Variants in MUC6 observed in about 807,000 individuals in gnomAD.
MUC6 encodes mucin 6, oligomeric mucus/gel-forming (gene/pseudogene), also known as mucin-6.
Under a neutral mutation model 201.5 loss-of-function variants are expected in MUC6, and 188 were observed. That is an observed-to-expected ratio of 0.93 (90% CI 0.83 to 1.05). The LOEUF (loss-of-function observed/expected upper bound fraction) is 1.05. MUC6 is among the 50% of genes least tolerant of loss of function. The probability of loss-of-function intolerance (pLI) is 0.00; values close to 1 mark genes in which losing one functional copy is unlikely to be tolerated. For synonymous variants in MUC6, 1,228 were observed against 1,389.4 expected, an observed-to-expected ratio of 0.88 and a Z score of 2.58; for missense variants, 2,706 against 3,256.9, an observed-to-expected ratio of 0.83 and a Z score of 4.12.
chr11:1,027,845 G>A, intron 15 of MUC6, 28 bp from the exon 16 acceptor site: 1 of 1,604,972 alleles, frequency 6.2e-7, no homozygotes, highest in Non-Finnish European at 8.5e-7. Context: ...GCATGGGCTG[G>A]TGGCAGGCAC....
chr11:1,013,320 A>G lies in MUC6; in HGVS notation c.*136T>C. Reference sequence around the variant, plus strand: ...TCTCCAACCGGTGCCCCAGGGAGCCACGGCCCAGGGCACTTGGGGGCCAGG... The same window carrying G: ...TCTCCAACCGGTGCCCCAGGGAGCCGCGGCCCAGGGCACTTGGGGGCCAGG... On this transcript the variant is annotated 3_prime_UTR_variant, in exon 33 of 33. Coordinates refer to ENST00000421673, the MANE Select transcript of MUC6 (RefSeq NM_005961.3). 1 of 935,368 alleles carries G rather than the reference A, an allele frequency of 1.1e-6. No homozygotes were observed. Among genetic ancestry groups the G allele is most frequent in the South Asian group, 1.8e-5 (1 of 56,824 alleles). The allele number at this position is 935,368 out of a possible 1,614,324, so 57.9% of individuals were successfully genotyped here. A position where few individuals can be genotyped will look rare whatever the true frequency, so the allele number is the denominator to read the frequency against.
Position 1,016,126 on chromosome 11 carries a change from T to C in MUC6, c.6675A>G (p.Leu2225=). ...ACACGGTAACAGTGGATATGGGGAG[T>C]AGAGCAGAGAGGGTGAAAGGAGAGG... ...TISSPFTLSA[L]LPISTVTVSP... Residue 2225 remains leucine (L), a synonymous_variant, in exon 31 of 33, where the codon CTA becomes CTG. Coordinates refer to ENST00000421673, the MANE Select transcript of MUC6 (RefSeq NM_005961.3). 1 of 1,611,188 alleles carries C rather than the reference T, an allele frequency of 6.2e-7. No individual in the cohort carries two copies. Among genetic ancestry groups the C allele is most frequent in the Non-Finnish European group, 8.5e-7 (1 of 1,179,136 alleles).
intron 1 of MUC6, among the ~76,000 whole-genome samples, chr11:1,036,200 C>T (rs185841401): frequency 2.2e-4 from 33 of 152,266 alleles, no homozygotes; most frequent in African/African-American, 7.5e-4. Flanking sequence ...GACTGTGCCT[C>T]TGTCCCCCAC....
At chr11:1,028,194 G>C (rs1351560860) in intron 14 of MUC6, 32 bp downstream of exon 14, 1 of 1,546,422 alleles carries the variant, frequency 6.5e-7, no homozygotes, top group Admixed American at 1.9e-5. Context: ...CGCTGGGGGG[G>C]CAGCCAGGGG....
chr11:1,026,030 G>A lies in MUC6; in HGVS notation c.2658C>T (p.Phe886=), dbSNP rs945633762. The change falls in exon 21 of 33, where the codon TTC becomes TTT. Residue 886 remains phenylalanine (F), a synonymous_variant. Coordinates refer to ENST00000421673, the MANE Select transcript of MUC6 (RefSeq NM_005961.3). ...VITFDGQRFV[F]DGNCEYILAT... Reference sequence around the variant, plus strand: ...CCAGGATGTACTCGCAGTTGCCGTCGAATACGAAGCGCTGGCCGTCGAAGG... The same window carrying A: ...CCAGGATGTACTCGCAGTTGCCGTCAAATACGAAGCGCTGGCCGTCGAAGG... The A allele has an allele frequency of 1.8e-5, 29 of 1,588,832 alleles. No individual in the cohort carries two copies. The highest frequency in any genetic ancestry group is 5.7e-5 in the South Asian group (5 of 87,410).
At position 1,016,667 on chromosome 11, in the gene MUC6, G is replaced by A; in HGVS notation, c.6134C>T (p.Thr2045Ile). The A allele has an allele frequency of 6.2e-7, 1 of 1,614,156 alleles. No homozygotes were observed. ...CTTGAGCGTTGTTGGTGGAGGAACG[G>A]TGCCTGTTGGCGTTGAGTGGATGGA... ...SASIHSTPTG[T>I]VPPPTTLKAT... is the part of the protein sequence containing the mutation. Residue 2045 changes from threonine (T) to isoleucine (I), a missense_variant, in exon 31 of 33, where the codon ACC becomes ATC. By Grantham distance (89) the Thr-to-Ile change is moderately conservative. Transcript: ENST00000421673.
At chr11:1,024,405 T>C (rs1856900999) in intron 24 of MUC6, among the ~76,000 whole-genome samples, 1 of 152,180 alleles carries the variant, frequency 6.6e-6, no homozygotes, top group Non-Finnish European at 1.5e-5. Context: ...CACGTCACGC[T>C]CACATTCAGC....
chr11:1,034,773 C>A (rs1857180003), intron 1 of MUC6, among the ~76,000 whole-genome samples: 1 of 152,180 alleles, frequency 6.6e-6, no homozygotes, highest in Non-Finnish European at 1.5e-5. Flanking sequence ...TGTTTCGGTG[C>A]CCTCAGCCCT....
Position 1,016,048 on chromosome 11 carries a change from C to T in MUC6, c.6753G>A (p.Thr2251=), listed in dbSNP as rs556378391. 9.9e-6 allele frequency: 16 copies of T among 1,611,302 alleles called. 1 individual carries two copies. The Admixed American group carries it at 1.0e-4, about 10-fold the overall frequency. ...TGTGGGTGCTGGCCGTGGTCCTGGG[C>T]GTGGACGGAAATGCAATGGTGCTGG... The part of the protein sequence containing the change: ...LASSTIAFPS[T]PRTTASTHTA... Residue 2251 remains threonine, a synonymous_variant, in exon 31 of 33, where the codon ACG becomes ACA. Coordinates refer to ENST00000421673, the MANE Select transcript of MUC6 (RefSeq NM_005961.3).
At chr11:1,029,195 G>A (rs760313092) in intron 10 of MUC6, 33 bp downstream of exon 10, 98 of 1,605,102 alleles carry the variant, frequency 6.1e-5, no homozygotes, top group East Asian at 4.3e-4. Flanking sequence ...CACCGGGAGC[G>A]CCCCTCCCCA....
At position 1,029,476 on chromosome 11, in the gene MUC6, C is replaced by G. The variant is rs771481709; in HGVS notation, c.1136+19G>C. On this transcript the variant is annotated intron_variant, in intron 9 of 32. Coordinates refer to ENST00000421673, the MANE Select transcript of MUC6 (RefSeq NM_005961.3). ...AACCCCTGCCGGCCGGCCAGAGCCC[C>G]CTCCGGCGCCTCACTCACCAGGTTT... The G allele has an allele frequency of 6.2e-7, 1 of 1,610,984 alleles. No homozygotes were observed. Among genetic ancestry groups the G allele is most frequent in the Non-Finnish European group, 8.5e-7 (1 of 1,179,490 alleles).
In MUC6 at chr11:1,032,129, G is replaced by A. The variant is rs1407771209; in HGVS notation, c.116-76C>T. On this transcript the variant is annotated intron_variant, in intron 2 of 32. Transcript: ENST00000421673. Reference sequence around the variant, plus strand: ...AGGCAGGGCTGGGGCAGGCAGAGAGGTCACTCGTCTCCCTGGGCCAGGGTT... The same window carrying A: ...AGGCAGGGCTGGGGCAGGCAGAGAGATCACTCGTCTCCCTGGGCCAGGGTT... 8 of 1,560,460 alleles carry A rather than the reference G, an allele frequency of 5.1e-6. 1 individual carries two copies. The Admixed American group carries it at 1.5e-4, about 28-fold the overall frequency.
At position 1,031,628 on chromosome 11, in the gene MUC6, C is replaced by G; in HGVS notation, c.462G>C (p.Trp154Cys). 1 of 1,549,512 alleles carries G rather than the reference C, an allele frequency of 6.5e-7. No individual in the cohort carries two copies. The highest frequency in any genetic ancestry group is 1.9e-4 in the Middle Eastern group (1 of 5,216). The change falls in exon 4 of 33, where the codon TGG becomes TGC. Residue 154 changes from tryptophan to cysteine, a missense_variant. This residue lies in a region of MUC6 where 1,850 missense variants were observed against 1,958.3 expected (regional missense o/e 0.94). Coordinates refer to ENST00000421673, the MANE Select transcript of MUC6 (RefSeq NM_005961.3). ...KQLELELEVV[W>C]GPDSHLMVLV... The stretch of plus-strand genomic sequence containing the variant: ...TCACCATGAGGTGGCTGTCAGGACC[C>G]CACACGACTTCCAGCTCCAGCTCCA...
Position 1,019,509 on chromosome 11 carries a change from G to A in MUC6, c.3809-13C>T. The stretch of plus-strand genomic sequence containing the variant: ...GGTCTAGGTGGTTCTGCAGAGGACA[G>A]CCGCCCGGAACATCCCCTTGCTGTG... On this transcript the variant is annotated splice_polypyrimidine_tract_variant and intron_variant, in intron 29 of 32. Coordinates refer to ENST00000421673, the MANE Select transcript of MUC6 (RefSeq NM_005961.3). 1.9e-6 allele frequency: 3 copies of A among 1,608,726 alleles called. No individual in the cohort carries two copies. The highest frequency in any genetic ancestry group is 2.6e-6 in the Non-Finnish European group (3 of 1,176,142).
Position 1,030,739 on chromosome 11 carries a change from C to A in MUC6, c.726G>T (p.Glu242Asp). Reference sequence around the variant, plus strand: ...CGAAGGGCTCCTTGGACACGCTGCACTCAGGGGCCACCAGGGTCAGCAGCT... The same window carrying A: ...CGAAGGGCTCCTTGGACACGCTGCAATCAGGGGCCACCAGGGTCAGCAGCT... ...CTQLLTLVAP[E>D]CSVSKEPFVL... The change falls in exon 7 of 33, where the codon GAG (glutamate) becomes GAT (aspartate). Residue 242 changes from glutamate to aspartate, a missense_variant. Glu to Asp is a conservative substitution (Grantham distance 45). Coordinates refer to ENST00000421673, the MANE Select transcript of MUC6 (RefSeq NM_005961.3). 6.5e-7 allele frequency: 1 copy of A among 1,542,192 alleles called. No individual in the cohort carries two copies. The highest frequency in any genetic ancestry group is 8.7e-7 in the Non-Finnish European group (1 of 1,147,698).
Position 1,016,242 on chromosome 11 carries a change from G to T in MUC6, c.6559C>A (p.Pro2187Thr). 1 of 1,613,324 alleles carries T rather than the reference G, an allele frequency of 6.2e-7. No homozygotes were observed. The highest frequency in any genetic ancestry group is 8.5e-7 in the Non-Finnish European group (1 of 1,179,738). The change falls in exon 31 of 33, where the codon CCC (proline) becomes ACC (threonine). Residue 2187 changes from proline (P) to threonine (T), a missense_variant. Around this residue, in one of 10 missense-constraint regions of MUC6, gnomAD observed 586 missense variants for 488.0 expected, o/e 1.20. Transcript: ENST00000421673. ...SGSHSSLSTH[P>T]TTASVSASPL... ...GATGCAGACACTGATGCAGTCGTGG[G>T]ATGAGTGGACAATGAGGAGTGTGAC...
Position 1,020,747 on chromosome 11 carries a change from G to C in MUC6, c.3590-13C>G, listed in dbSNP as rs1208334936. The C allele has an allele frequency of 1.8e-5, 29 of 1,612,230 alleles. No individual in the cohort carries two copies. The highest frequency in any genetic ancestry group is 2.5e-5 in the Non-Finnish European group (29 of 1,179,812). ...GTGGTGGGCGGCACTGCAAGAAGAT[G>C]GGGTCAGCTCCCTGTGGTTCTCTAA... On this transcript the variant is annotated splice_polypyrimidine_tract_variant and intron_variant, in intron 27 of 32. Coordinates refer to ENST00000421673, the MANE Select transcript of MUC6 (RefSeq NM_005961.3).
chr11:1,034,551 G>T (rs555857835), intron 1 of MUC6, among the ~76,000 whole-genome samples: 1 of 152,290 alleles, frequency 6.6e-6, no homozygotes, highest in African/African-American at 2.4e-5. Flanking sequence ...CCTGGGATGG[G>T]GCCCTCGCTG....
chr11:1,029,070 C>T lies in MUC6; in HGVS notation c.1356G>A (p.Val452=). ...CCTGCCTGGAGAGGTAGACCACAGC[C>T]ACCAGGGAGGTCTCGGAGTGTGAGA... The part of the protein sequence containing the change: ...SGVSHSETSL[V]AVVYLSRQDK... The change falls in exon 11 of 33, where the codon GTG becomes GTA. Residue 452 remains valine (V), a synonymous_variant. Transcript: ENST00000421673. 6.2e-7 allele frequency: 1 copy of T among 1,612,884 alleles called. No homozygotes were observed. The highest frequency in any genetic ancestry group is 8.5e-7 in the Non-Finnish European group (1 of 1,179,826).
Sources: gnomAD v4.1 joint callset for allele counts (sites outside exome capture counted in the v4.1 genomes callset) on GRCh38, gnomAD v4.1.1 for gene constraint, gnomAD v4.1.1 regional missense constraint, MANE v1.5 for transcripts, NCBI Gene and HGNC (gene_info 2026-07-23, HGNC 2026-07-21) for gene names.